Variants in ADD1 observed in about 807,000 individuals in gnomAD.
ADD1 encodes the protein alpha-adducin.
In ADD1, 24 loss-of-function variants were observed where a neutral mutation model predicts 80.5. The observed-to-expected ratio is 0.30, with a 90% confidence interval of 0.22 to 0.42. The LOEUF is 0.42. Among genes scored for constraint, ADD1 ranks in the 10% least tolerant of loss-of-function variants. The pLI is 1.00. For missense variants in ADD1, 948 were observed against 1,019.0 expected (o/e 0.93, Z 0.95); for synonymous variants, 373 against 393.8 (o/e 0.95, Z 0.63).
At chr4:2,899,175 T>C in intron 8 of ADD1, 84 bp from the exon 9 acceptor site, 1 of 1,392,156 alleles carries the variant, frequency 7.2e-7, no homozygotes, top group Admixed American at 2.3e-5. Flanking sequence ...TGGTTTCTTT[T>C]GAAACCTACA....
At chr4:2,920,869 C>A (rs933810256) in intron 14 of ADD1, among the ~76,000 whole-genome samples, 2 of 152,092 alleles carry the variant, frequency 1.3e-5, no homozygotes, top group Non-Finnish European at 2.9e-5. Context: ...TGAATTTGAT[C>A]CTGTCATTAT....
intron 14 of ADD1, among the ~76,000 whole-genome samples, chr4:2,924,294 A>G (rs1178654139): frequency 2.6e-5 from 4 of 152,248 alleles, no homozygotes; most frequent in African/African-American, 9.6e-5. Flanking sequence ...GCAGGTCTCC[A>G]AAGCCTATTC....
At position 2,895,083 on chromosome 4, in the gene ADD1, G is replaced by GA. The variant is rs1485447392; in HGVS notation, c.741+353dup. On this transcript the variant is annotated intron_variant, in intron 6 of 15. Coordinates refer to ENST00000683351, the MANE Select transcript of ADD1 (RefSeq NM_001354761.2). ...GAGACCAGCCTGGGCAACATAGTGA[G>GA]ACCCCGTCTGTACAAAAAAAATTAA... Among the ~76,000 whole-genome samples, 3 of 151,946 alleles carry GA rather than the reference G, an allele frequency of 2.0e-5. No homozygotes were observed. The East Asian group carries it at 5.8e-4, about 29-fold the overall frequency.
At chr4:2,865,272 A>G (rs1235498107) in intron 1 of ADD1, among the ~76,000 whole-genome samples, 2 of 152,122 alleles carry the variant, frequency 1.3e-5, no homozygotes, top group Non-Finnish European at 2.9e-5. Context: ...AAAGACTTTC[A>G]AGTCTCCATC....
At chr4:2,877,596 T>C (rs1277795633) in intron 2 of ADD1, among the ~76,000 whole-genome samples, 7 of 152,026 alleles carry the variant, frequency 4.6e-5, no homozygotes, top group Non-Finnish European at 1.0e-4. Flanking sequence ...AGATTAAGTG[T>C]GACTGTGGTC....
intron 4 of ADD1, 57 bp downstream of exon 4, chr4:2,884,723 C>T (rs1732965501): frequency 1.3e-6 from 2 of 1,491,976 alleles, no homozygotes; most frequent in Non-Finnish European, 1.8e-6. Flanking sequence ...GTGTCTGGCA[C>T]CACCTCTTTC....
chr4:2,893,920 A>G (rs1010203101), intron 4 of ADD1, 93 bp from the exon 5 acceptor site: 1 of 1,142,622 alleles, frequency 8.8e-7, no homozygotes, highest in Non-Finnish European at 1.3e-6. Context: ...TAGCTCACTC[A>G]GTGTTCTGAA....
rs1311328513 is a variant in ADD1, at chr4:2,877,442, T to C, written c.195+1332T>C. On this transcript the variant is annotated intron_variant, in intron 2 of 15. Coordinates refer to ENST00000683351, the MANE Select transcript of ADD1 (RefSeq NM_001354761.2). ...TTATAACTTACATAAAGTACACAAA[T>C]CTTAAGTATATAGCTTGGTGAATTT... is the stretch of plus-strand genomic sequence containing the variant. Among the ~76,000 whole-genome samples, 4 of 152,094 alleles carry C rather than the reference T, an allele frequency of 2.6e-5. No individual in the cohort carries two copies. In the East Asian group the frequency reaches 5.8e-4, roughly 22 times the overall value.
chr4:2,867,062 C>T (rs558242059), intron 1 of ADD1, among the ~76,000 whole-genome samples: 1 of 151,988 alleles, frequency 6.6e-6, no homozygotes. Flanking sequence ...CAGAGCAAGA[C>T]CCAGTCTGAA....
chr4:2,860,459 G>A (rs186771219), intron 1 of ADD1, among the ~76,000 whole-genome samples: 6 of 152,276 alleles, frequency 3.9e-5, no homozygotes, highest in Admixed American at 6.5e-5. Flanking sequence ...CTCTTCAGTC[G>A]GACGTCAGTT....
chr4:2,878,002 C>A (rs995194006), intron 2 of ADD1, among the ~76,000 whole-genome samples: 1 of 152,086 alleles, frequency 6.6e-6, no homozygotes, highest in African/African-American at 2.4e-5. Context: ...GCTGAGGAAC[C>A]AGCTAACATG....
chr4:2,904,994 C>T lies in ADD1; in HGVS notation c.1392C>T (p.Ser464=). The T allele has an allele frequency of 1.2e-6, 2 of 1,614,224 alleles. No homozygotes were observed. The highest frequency in any genetic ancestry group is 1.7e-6 in the Non-Finnish European group (2 of 1,180,042). The change falls in exon 10 of 16, where the codon AGC becomes AGT. Residue 464 remains serine (S), a synonymous_variant. Coordinates refer to ENST00000683351, the MANE Select transcript of ADD1 (RefSeq NM_001354761.2). Reference sequence around the variant, plus strand: ...CTTCCGAGGAAGGGCAGAATGGAAGCAGTCCCAAGTCGAAGACTAAGGTGT... The same window carrying T: ...CTTCCGAGGAAGGGCAGAATGGAAGTAGTCCCAAGTCGAAGACTAAGGTGT... ...DEASEEGQNG[S]SPKSKTKVWT... is the part of the protein sequence containing the mutation.
At chr4:2,882,393 T>G (rs575541228) in intron 3 of ADD1, among the ~76,000 whole-genome samples, 45 of 152,354 alleles carry the variant, frequency 3.0e-4, no homozygotes, top group Admixed American at 7.8e-4. Flanking sequence ...CCAGCATTTC[T>G]TACCTAGCAT....
chr4:2,879,407 A>G (rs1231910711), intron 2 of ADD1, among the ~76,000 whole-genome samples: 2 of 152,180 alleles, frequency 1.3e-5, no homozygotes, highest in Non-Finnish European at 2.9e-5. Context: ...CAGTATGTAT[A>G]TCCTTAGTGT....
At chr4:2,871,408 G>T (rs967894257) in intron 1 of ADD1, among the ~76,000 whole-genome samples, 11 of 152,174 alleles carry the variant, frequency 7.2e-5, no homozygotes. Context: ...GAGATAGTTG[G>T]TGTAAGTGTC....
chr4:2,884,404 C>A, intron 3 of ADD1, 111 bp from the exon 4 acceptor site: 1 of 787,048 alleles, frequency 1.3e-6, no homozygotes, highest in Non-Finnish European at 1.9e-6. Context: ...ATAAGCACTA[C>A]AGCCTCAAAC....
intron 1 of ADD1, among the ~76,000 whole-genome samples, chr4:2,869,356 C>T (rs536328010): frequency 6.6e-6 from 1 of 151,490 alleles, no homozygotes; most frequent in South Asian, 2.1e-4. Flanking sequence ...GGAAGCACTG[C>T]GTCCACCTCT....
rs763559675 is a variant in ADD1, at chr4:2,907,763, T to G, written c.1527T>G (p.His509Gln). Residue 509 changes from histidine (H) to glutamine (Q), a missense_variant, in exon 11 of 16, where the codon CAT (histidine) becomes CAG (glutamine). Transcript: ENST00000683351. The part of the protein sequence containing the change: ...TNCLWTKEDG[H>Q]RTSTSAVPNL... ...TACAGTGGACTAAAGAGGATGGACA[T>G]AGAACTTCCACCTCTGCTGTCCCTA... 2.5e-6 allele frequency: 4 copies of G among 1,614,034 alleles called. No individual in the cohort carries two copies. In the South Asian group the frequency reaches 4.4e-5, roughly 18 times the overall value.
Position 2,929,435 on chromosome 4 carries a change from C to T in ADD1, c.*912C>T, listed in dbSNP as rs1246404333. 3 of 152,288 alleles carry T rather than the reference C, an allele frequency of 2.0e-5. No homozygotes were observed. The highest frequency in any genetic ancestry group is 4.8e-5 in the African/African-American group (2 of 41,436). 9.4% of individuals were successfully genotyped at this position (152,288 alleles called of 1,614,324 possible). ...GCCCTAGTTGTGATCAAAGGTAACTCGAGGTGGAGGGTAGCCCTGGGGCCC... is the reference window on the plus strand; with the variant it reads ...GCCCTAGTTGTGATCAAAGGTAACTTGAGGTGGAGGGTAGCCCTGGGGCCC... On this transcript the variant is annotated 3_prime_UTR_variant, in exon 16 of 16. Transcript: ENST00000683351.
Sources: allele counts gnomAD v4.1 joint callset (sites outside exome capture counted in the v4.1 genomes callset), GRCh38; gene constraint gnomAD v4.1.1; transcripts MANE v1.5; gene names NCBI Gene and HGNC (gene_info 2026-07-23, HGNC 2026-07-21).